Variants in SLC30A4 observed in about 807,000 individuals in gnomAD.
SLC30A4 encodes the protein probable proton-coupled zinc antiporter SLC30A4.
In SLC30A4, 20 loss-of-function variants were observed where a neutral mutation model predicts 41.7. That is an observed-to-expected ratio of 0.48 (90% confidence interval 0.34 to 0.70). The LOEUF (loss-of-function observed/expected upper bound fraction) is 0.70. Ranked by LOEUF, SLC30A4 falls within the 30% of genes least tolerant of loss-of-function variation. SLC30A4 has a pLI of 0.01. For missense variants in SLC30A4, 441 were observed against 529.3 expected (o/e 0.83, Z 1.64); for synonymous variants, 181 against 195.9 (o/e 0.92, Z 0.64).
At chr15:45,503,491 C>G (rs1260518285) in intron 3 of SLC30A4, among the ~76,000 whole-genome samples, 1 of 151,910 alleles carries the variant, frequency 6.6e-6, no homozygotes, top group African/African-American at 2.4e-5. Context: ...TGGTGGGCGC[C>G]TGTAGTCCCA....
At chr15:45,519,066 A>G (rs1002775933) in intron 2 of SLC30A4, among the ~76,000 whole-genome samples, 2 of 150,908 alleles carry the variant, frequency 1.3e-5, no homozygotes, top group African/African-American at 4.9e-5. Context: ...TTTTTAGTAG[A>G]GATGGGGTTT....
rs1039907649 is a variant in SLC30A4 at position 45,479,891 on chromosome 15, C to G, written c.*5272G>C. Reference sequence around the variant, plus strand: ...GATCTTAATTAACATGGACAAACCCCAGCTTCAAAATCTTTCTAAAATCAA... The same window carrying G: ...GATCTTAATTAACATGGACAAACCCGAGCTTCAAAATCTTTCTAAAATCAA... On this transcript the variant is annotated 3_prime_UTR_variant, in exon 8 of 8. Transcript: ENST00000261867. 1 of 151,732 alleles carries G rather than the reference C, an allele frequency of 6.6e-6. No individual in the cohort carries two copies. The highest frequency in any genetic ancestry group is 2.4e-5 in the African/African-American group (1 of 41,318). 9.4% of individuals were successfully genotyped at this position (151,732 alleles called of 1,614,324 possible). A position where few individuals can be genotyped will look rare whatever the true frequency, so the allele number is the denominator to read the frequency against.
At chr15:45,503,948 A>AAAAT (rs759138085) in intron 3 of SLC30A4, among the ~76,000 whole-genome samples, 60 of 152,198 alleles carry the variant, frequency 3.9e-4, no homozygotes, top group Middle Eastern at 3.4e-3. Context: ...CTCAGTCTCC[A>AAAAT]AAATAAATAA....
Position 45,486,497 on chromosome 15 carries a change from TAAAAC to T in SLC30A4, c.1135+109_1135+113del. 7.9e-6 allele frequency: 8 copies of T among 1,010,710 alleles called. No homozygotes were observed. The South Asian group carries it at 1.3e-4, about 17-fold the overall frequency. The allele number at this position is 1,010,710 out of a possible 1,614,324, so 62.6% of individuals were successfully genotyped here. On this transcript the variant is annotated intron_variant, in intron 7 of 7. Transcript: ENST00000261867. Reference sequence around the variant, plus strand: ...TTTTTAAAGACAAAGGCTTTTGTCTTAAAACAAATCTTTTCAGCAGAAAAGTCTTC... The same window carrying T: ...TTTTTAAAGACAAAGGCTTTTGTCTTAAATCTTTTCAGCAGAAAAGTCTTC...
chr15:45,522,347 C>T lies in SLC30A4; in HGVS notation c.8G>A (p.Gly3Asp). The T allele has an allele frequency of 6.2e-7, 1 of 1,605,730 alleles. No individual in the cohort carries two copies. Among genetic ancestry groups the T allele is most frequent in the Non-Finnish European group, 8.5e-7 (1 of 1,176,300 alleles). The change falls in exon 2 of 8, where the codon GGC becomes GAC. Residue 3 changes from glycine (G) to aspartate (D), a missense_variant. This residue lies in a region of SLC30A4 where 312 missense variants were observed against 341.9 expected (regional missense o/e 0.91). Coordinates refer to ENST00000261867, the MANE Select transcript of SLC30A4 (RefSeq NM_013309.6). MA[G>D]SGAWKRLKSM... The stretch of plus-strand genomic sequence containing the variant: ...TTTGAGGCGCTTCCACGCGCCAGAG[C>T]CGGCCATGGCAGAGGCTGAGCGGCC...
chr15:45,519,044 C>T (rs906567130), intron 2 of SLC30A4, among the ~76,000 whole-genome samples: 1 of 150,642 alleles, frequency 6.6e-6, no homozygotes, highest in African/African-American at 2.4e-5. Flanking sequence ...CGATTTCTGG[C>T]TAATTTTTGT....
At chr15:45,489,725 A>T in intron 4 of SLC30A4, among the ~76,000 whole-genome samples, 1 of 151,962 alleles carries the variant, frequency 6.6e-6, no homozygotes. Context: ...CATATGTAAC[A>T]AACCTGCACG....
At chr15:45,488,802 A>C in intron 5 of SLC30A4, 39 bp downstream of exon 5, 2 of 1,522,816 alleles carry the variant, frequency 1.3e-6, no homozygotes, top group Non-Finnish European at 9.1e-7. Flanking sequence ...TGTTGAAATT[A>C]AGTACATTTT....
chr15:45,486,758 T>C lies in SLC30A4; in HGVS notation c.1001-13A>G. 3.6e-6 allele frequency: 5 copies of C among 1,385,290 alleles called. No homozygotes were observed. The highest frequency in any genetic ancestry group is 3.2e-5 in the South Asian group (2 of 63,138). The allele number at this position is 1,385,290 out of a possible 1,614,324, so 85.8% of individuals were successfully genotyped here. On this transcript the variant is annotated splice_polypyrimidine_tract_variant and intron_variant, in intron 6 of 7. Transcript: ENST00000261867. Reference sequence around the variant, plus strand: ...TGGCTTGGCACACCTATTAGGAATATATAATTTCTAAGTAAAATTTATTTT... The same window carrying C: ...TGGCTTGGCACACCTATTAGGAATACATAATTTCTAAGTAAAATTTATTTT...
rs896440762 is a variant in SLC30A4 at position 45,481,294 on chromosome 15, T to C, written c.*3869A>G. On this transcript the variant is annotated 3_prime_UTR_variant, in exon 8 of 8. Transcript: ENST00000261867. ...TTACATAAGGCATAGCTAATGGAAATGTATGTAGGAATTACAATAGCTTCC... is the reference window on the plus strand; with the variant it reads ...TTACATAAGGCATAGCTAATGGAAACGTATGTAGGAATTACAATAGCTTCC... 1 of 152,228 alleles carries C rather than the reference T, an allele frequency of 6.6e-6. No homozygotes were observed. The highest frequency in any genetic ancestry group is 2.4e-5 in the African/African-American group (1 of 41,454). The allele number at this position is 152,228 out of a possible 1,614,324, so 9.4% of individuals were successfully genotyped here.
intron 3 of SLC30A4, among the ~76,000 whole-genome samples, chr15:45,505,589 T>C (rs1489741711): frequency 6.6e-6 from 1 of 152,200 alleles, no homozygotes; most frequent in African/African-American, 2.4e-5. Context: ...TCCTTTAAGC[T>C]CTGACATTTT....
intron 5 of SLC30A4, among the ~76,000 whole-genome samples, chr15:45,488,432 G>C: frequency 6.6e-6 from 1 of 152,136 alleles, no homozygotes. Context: ...AATTAGCTGG[G>C]CATGGTGGTG....
At chr15:45,505,265 GAAAAA>G (rs915001740) in intron 3 of SLC30A4, among the ~76,000 whole-genome samples, 1 of 132,756 alleles carries the variant, frequency 7.5e-6, no homozygotes, top group Non-Finnish European at 1.6e-5. Flanking sequence ...AGAAAGAAAA[GAAAAA>G]AAAAGGCTAC....
chr15:45,513,450 C>A (rs1892360853), intron 2 of SLC30A4, among the ~76,000 whole-genome samples: 3 of 148,492 alleles, frequency 2.0e-5, no homozygotes, highest in African/African-American at 2.5e-5. Flanking sequence ...TTTTAATTAA[C>A]CTAAACTTAA....
Position 45,480,603 on chromosome 15 carries a change from C to T in SLC30A4, c.*4560G>A, listed in dbSNP as rs984442730. On this transcript the variant is annotated 3_prime_UTR_variant, in exon 8 of 8. Transcript: ENST00000261867. ...TGAACCAAATGAACTAATCTTCTAT[C>T]TAGGAAACACTCTGTAACTTTAAAT... The T allele has an allele frequency of 6.6e-6, 1 of 152,140 alleles. No individual in the cohort carries two copies. Among genetic ancestry groups the T allele is most frequent in the Non-Finnish European group, 1.5e-5 (1 of 68,036 alleles). 9.4% of individuals were successfully genotyped at this position (152,140 alleles called of 1,614,324 possible).
chr15:45,504,438 A>T (rs1456610498), intron 3 of SLC30A4, among the ~76,000 whole-genome samples: 1 of 152,230 alleles, frequency 6.6e-6, no homozygotes, highest in African/African-American at 2.4e-5. Context: ...CACTGGGCTC[A>T]TCGTATTTCT....
intron 3 of SLC30A4, among the ~76,000 whole-genome samples, chr15:45,501,818 A>C (rs1349610245): frequency 6.6e-6 from 1 of 152,182 alleles, no homozygotes; most frequent in East Asian, 1.9e-4. Context: ...AATTAGTGCC[A>C]GACACAGAGA....
At chr15:45,511,584 A>G (rs1273967430) in intron 2 of SLC30A4, among the ~76,000 whole-genome samples, 1 of 152,070 alleles carries the variant, frequency 6.6e-6, no homozygotes, top group East Asian at 1.9e-4. Flanking sequence ...TCTGGGTTCA[A>G]GTGATTCTTC....
At chr15:45,509,945 G>T (rs932725402) in intron 3 of SLC30A4, among the ~76,000 whole-genome samples, 2 of 152,114 alleles carry the variant, frequency 1.3e-5, no homozygotes, top group Non-Finnish European at 2.9e-5. Context: ...GCTAGTGCAC[G>T]CCTATAGTCC....
Sources: allele counts gnomAD v4.1 joint callset (sites outside exome capture counted in the v4.1 genomes callset), GRCh38; gene constraint gnomAD v4.1.1; regional missense constraint gnomAD v4.1.1; transcripts MANE v1.5; gene names NCBI Gene and HGNC (gene_info 2026-07-23, HGNC 2026-07-21).